TANC2: variants seen among roughly 807,000 people sequenced by gnomAD.
TANC2 encodes the protein protein TANC2.
Under a neutral mutation model 210.5 loss-of-function variants are expected in TANC2, and 26 were observed. The ratio of observed to expected loss-of-function variants is 0.12; its 90% CI spans 0.09 to 0.17. TANC2 has a LOEUF of 0.17. Ranked by LOEUF, TANC2 falls within the 10% of genes least tolerant of loss-of-function variation. The pLI is 1.00. For missense variants in TANC2, 2,129 were observed against 2,608.9 expected (o/e 0.82, Z 4.01); for synonymous variants, 931 against 967.1 (o/e 0.96, Z 0.69).
At chr17:63,214,360 C>T (rs2041969904) in intron 7 of TANC2, among the ~76,000 whole-genome samples, 1 of 152,202 alleles carries the variant, frequency 6.6e-6, no homozygotes, top group South Asian at 2.1e-4. Flanking sequence ...GTAACACAGA[C>T]CTAACTCCAA....
At chr17:63,317,087 G>A (rs751806290) in intron 10 of TANC2, among the ~76,000 whole-genome samples, 4 of 152,006 alleles carry the variant, frequency 2.6e-5, no homozygotes, top group Non-Finnish European at 5.9e-5. Context: ...CTAATTAATA[G>A]TTGTAGTGAT....
intron 8 of TANC2, among the ~76,000 whole-genome samples, chr17:63,258,965 C>T (rs935858617): frequency 7.2e-5 from 11 of 152,202 alleles, no homozygotes; most frequent in African/African-American, 2.7e-4. Context: ...TGGGTCTCAT[C>T]CAAGGCCTGT....
At chr17:63,228,751 G>T (rs769203727) in intron 7 of TANC2, among the ~76,000 whole-genome samples, 16 of 152,050 alleles carry the variant, frequency 1.1e-4, no homozygotes, top group Admixed American at 6.6e-5. Context: ...TAGTGTGTAG[G>T]ACTGCTTGTG....
chr17:62,976,769 C>A (rs960864402), intron 1 of TANC2, among the ~76,000 whole-genome samples: 5 of 151,314 alleles, frequency 3.3e-5, no homozygotes, highest in Admixed American at 1.3e-4. Context: ...TAAATACTTG[C>A]CCTGGCATGC....
At chr17:63,014,071 C>T (rs1471702000) in intron 2 of TANC2, among the ~76,000 whole-genome samples, 2 of 152,052 alleles carry the variant, frequency 1.3e-5, no homozygotes, top group African/African-American at 4.8e-5. Flanking sequence ...TTCTGTTCCT[C>T]AGATTGTGTA....
intron 2 of TANC2, among the ~76,000 whole-genome samples, chr17:63,015,138 A>T (rs961773490): frequency 2.0e-5 from 3 of 151,794 alleles, no homozygotes; most frequent in Admixed American, 2.0e-4. Flanking sequence ...TCTCATAGGT[A>T]TATAATTTTA....
At chr17:63,336,025 G>A (rs553183034) in intron 11 of TANC2, among the ~76,000 whole-genome samples, 1 of 152,138 alleles carries the variant, frequency 6.6e-6, no homozygotes, top group Non-Finnish European at 1.5e-5. Flanking sequence ...CTCTAGCCTG[G>A]GATCTATTCT....
intron 8 of TANC2, among the ~76,000 whole-genome samples, chr17:63,255,591 G>T (rs1045495708): frequency 1.3e-5 from 2 of 152,058 alleles, no homozygotes; most frequent in African/African-American, 4.8e-5. Flanking sequence ...TTTTCCAATT[G>T]ATTGGTATAT....
intron 9 of TANC2, among the ~76,000 whole-genome samples, chr17:63,288,850 CTT>C (rs2044301310): frequency 6.6e-6 from 1 of 152,112 alleles, no homozygotes; most frequent in Non-Finnish European, 1.5e-5. Context: ...CTCTAAAGAA[CTT>C]TTCTTAACAT....
At chr17:63,256,996 A>G (rs972934270) in intron 8 of TANC2, among the ~76,000 whole-genome samples, 3 of 148,684 alleles carry the variant, frequency 2.0e-5, no homozygotes, top group African/African-American at 7.4e-5. Flanking sequence ...CAGTCTGTAT[A>G]TGTCTTTGTA....
Position 63,421,346 on chromosome 17 carries a change from T to A in TANC2, c.5616T>A (p.Ser1872Arg), listed in dbSNP as rs1420367914. 6.2e-7 allele frequency: 1 copy of A among 1,613,936 alleles called. No homozygotes were observed. Among genetic ancestry groups the A allele is most frequent in the Non-Finnish European group, 8.5e-7 (1 of 1,179,900 alleles). Residue 1872 changes from serine to arginine, a missense_variant, in exon 28 of 28, where the codon AGT becomes AGA. Physicochemically the swap from Ser to Arg is moderately radical, Grantham distance 110. Coordinates refer to ENST00000689528, the Ensembl canonical transcript of TANC2. The surrounding 1 kb of genome is among the most constrained non-coding windows in gnomAD (Gnocchi z 6.9). Reference sequence around the variant, plus strand: ...TTCGCTTCTCTCCATCTAGCAATAGTATCTCCTCCACCTCCAACCTAACTC... The same window carrying A: ...TTCGCTTCTCTCCATCTAGCAATAGAATCTCCTCCACCTCCAACCTAACTC...
intron 6 of TANC2, among the ~76,000 whole-genome samples, chr17:63,199,755 C>A (rs1349481395): frequency 1.3e-5 from 2 of 152,102 alleles, no homozygotes; most frequent in Admixed American, 6.5e-5. Flanking sequence ...GAATATATTA[C>A]CACCAACCTT....
chr17:63,361,633 G>A (rs2046960101), intron 14 of TANC2, among the ~76,000 whole-genome samples: 1 of 152,244 alleles, frequency 6.6e-6, no homozygotes, highest in South Asian at 2.1e-4. Context: ...AGCTCAGGGA[G>A]TCCCTAGGTC....
intron 2 of TANC2, among the ~76,000 whole-genome samples, chr17:63,016,532 C>T (rs1198091312): frequency 6.6e-6 from 1 of 152,154 alleles, no homozygotes; most frequent in Non-Finnish European, 1.5e-5. Context: ...CTGTAGTGAA[C>T]ATTGGAATAT....
chr17:63,298,383 C>G (rs948515860), intron 9 of TANC2, among the ~76,000 whole-genome samples: 3 of 152,116 alleles, frequency 2.0e-5, no homozygotes, highest in Non-Finnish European at 4.4e-5. Context: ...GAATGAAGTA[C>G]TGATACAAGC....
In TANC2 at chr17:63,420,194, A is replaced by C; in HGVS notation, c.4464A>C (p.Ile1488=). Residue 1488 remains isoleucine (I), a synonymous_variant, in exon 28 of 28, where the codon ATA becomes ATC. Transcript: ENST00000689528. The surrounding 1 kb of genome is among the most constrained non-coding windows in gnomAD (Gnocchi z 4.2). ...AACCTGAGCCACAGCATGAAGACAT[A>C]TACTCTGTACAGGATATATTCGAGG... is the stretch of plus-strand genomic sequence containing the variant. 6.3e-7 allele frequency: 1 copy of C among 1,597,004 alleles called. No individual in the cohort carries two copies. Among genetic ancestry groups the C allele is most frequent in the Non-Finnish European group, 8.5e-7 (1 of 1,171,178 alleles).
At chr17:63,279,604 C>T (rs1364117636) in intron 9 of TANC2, among the ~76,000 whole-genome samples, 1 of 151,986 alleles carries the variant, frequency 6.6e-6, no homozygotes, top group Non-Finnish European at 1.5e-5. Context: ...CTAGGAAATA[C>T]TAAACTCCTG....
intron 12 of TANC2, among the ~76,000 whole-genome samples, chr17:63,341,587 C>T (rs2046230614): frequency 6.6e-6 from 1 of 152,192 alleles, no homozygotes; most frequent in Non-Finnish European, 1.5e-5. Flanking sequence ...TATAACTCCT[C>T]ATTGCTGGAC....
intron 8 of TANC2, among the ~76,000 whole-genome samples, chr17:63,259,422 A>G (rs996016049): frequency 3.3e-5 from 5 of 152,118 alleles, no homozygotes; most frequent in Non-Finnish European, 7.4e-5. Flanking sequence ...GGTCTTATGA[A>G]GGTGCTTTCT....
Sources: allele counts gnomAD v4.1 joint callset (sites outside exome capture counted in the v4.1 genomes callset), GRCh38; gene constraint gnomAD v4.1.1; non-coding constraint Gnocchi (gnomAD v3.1); transcripts MANE v1.5; gene names NCBI Gene and HGNC (gene_info 2026-07-23, HGNC 2026-07-21).